TTC28: variants seen among roughly 807,000 people sequenced by gnomAD.
TTC28 encodes tetratricopeptide repeat protein 28.
In TTC28, 61 loss-of-function variants were observed where a neutral mutation model predicts 198.0. The observed-to-expected ratio is 0.31, with a 90% CI of 0.25 to 0.38. The LOEUF (loss-of-function observed/expected upper bound fraction) is 0.38, where lower values mean the gene tolerates loss of function less well. Among genes scored for constraint, TTC28 ranks in the 10% least tolerant of loss-of-function variants. TTC28 has a pLI of 1.00. For missense variants in TTC28, 2,678 were observed against 3,164.0 expected (o/e 0.85, Z 3.69); for synonymous variants, 1,171 against 1,297.8 (o/e 0.90, Z 2.10).
chr22:28,120,693 AG>A (rs1283686582), intron 6 of TTC28, among the ~76,000 whole-genome samples: 1 of 152,224 alleles, frequency 6.6e-6, no homozygotes, highest in East Asian at 1.9e-4. Context: ...GAACAGGAAA[AG>A]GGAGAAACAG....
Position 28,112,368 on chromosome 22 carries a change from G to T in TTC28, c.1442-3965C>A, listed in dbSNP as rs560233761. On this transcript the variant is annotated intron_variant, in intron 6 of 22. Transcript: ENST00000397906. ...ACCCAGGGTTCAATGATTTGTGAAA[G>T]AAACTGCCTGCTGGTTATGGCAAAA... Among the ~76,000 whole-genome samples the T allele has an allele frequency of 3.9e-5, 6 of 152,278 alleles. No individual in the cohort carries two copies. In the South Asian group the frequency reaches 1.2e-3, roughly 32 times the overall value.
At chr22:28,226,846 A>G (rs1928380717) in intron 5 of TTC28, among the ~76,000 whole-genome samples, 1 of 152,166 alleles carries the variant, frequency 6.6e-6, no homozygotes, top group Non-Finnish European at 1.5e-5. Context: ...TTTCTCAATT[A>G]TATCTTTCAA....
chr22:28,175,974 A>G (rs1261175124), intron 5 of TTC28, among the ~76,000 whole-genome samples: 2 of 152,248 alleles, frequency 1.3e-5, no homozygotes, highest in African/African-American at 4.8e-5. Flanking sequence ...ATTGTAAACC[A>G]GTACAACTAT....
intron 5 of TTC28, among the ~76,000 whole-genome samples, chr22:28,262,438 C>A (rs1334259030): frequency 2.0e-5 from 3 of 152,108 alleles, no homozygotes; most frequent in Admixed American, 2.0e-4. Context: ...ATTAAAGTTA[C>A]ATCTTTTAAA....
intron 1 of TTC28, among the ~76,000 whole-genome samples, chr22:28,647,758 G>A (rs2051493480): frequency 6.6e-6 from 1 of 151,856 alleles, no homozygotes. Context: ...AGAATGGTGT[G>A]AACCTGGGAG....
At chr22:28,053,734 G>C (rs1159588155) in intron 12 of TTC28, among the ~76,000 whole-genome samples, 1 of 151,960 alleles carries the variant, frequency 6.6e-6, no homozygotes, top group African/African-American at 2.4e-5. Context: ...GTAGTTACTG[G>C]GACAGCTACA....
chr22:28,284,234 TA>T (rs1184630036), intron 5 of TTC28, among the ~76,000 whole-genome samples: 1 of 152,138 alleles, frequency 6.6e-6, no homozygotes, highest in African/African-American at 2.4e-5. Flanking sequence ...ATGAGATTAT[TA>T]AAATAAATAA....
intron 5 of TTC28, among the ~76,000 whole-genome samples, chr22:28,257,318 C>T (rs1481139197): frequency 2.0e-5 from 3 of 152,094 alleles, no homozygotes; most frequent in Non-Finnish European, 4.4e-5. Flanking sequence ...TACTGCAGCA[C>T]TATTCACAGT....
At chr22:28,121,865 T>A (rs1569150433) in intron 6 of TTC28, among the ~76,000 whole-genome samples, 1 of 152,106 alleles carries the variant, frequency 6.6e-6, no homozygotes, top group Non-Finnish European at 1.5e-5. Flanking sequence ...TTGTTTTTGT[T>A]TTGTTTTGTT....
At chr22:28,342,308 A>G (rs1029819617) in intron 2 of TTC28, among the ~76,000 whole-genome samples, 4 of 152,234 alleles carry the variant, frequency 2.6e-5, no homozygotes, top group Non-Finnish European at 4.4e-5. Flanking sequence ...AATCAAAAAC[A>G]TATCTATCAA....
intron 2 of TTC28, among the ~76,000 whole-genome samples, chr22:28,537,342 A>ATAAAATTAAATTAAAAT (rs2049316127): frequency 6.8e-6 from 1 of 146,420 alleles, no homozygotes; most frequent in Non-Finnish European, 1.5e-5. Context: ...ATAAAATAAA[A>ATAAAATTAAATTAAAAT]ACAAGAATAG....
At chr22:28,600,942 G>C (rs976880506) in intron 2 of TTC28, among the ~76,000 whole-genome samples, 4 of 151,866 alleles carry the variant, frequency 2.6e-5, no homozygotes, top group African/African-American at 9.7e-5. Context: ...CTAAAATTCC[G>C]TGTCTAAATT....
chr22:28,670,975 A>G (rs941544850), intron 1 of TTC28, among the ~76,000 whole-genome samples: 7 of 151,950 alleles, frequency 4.6e-5, no homozygotes, highest in Non-Finnish European at 1.0e-4. Flanking sequence ...TTTTCATGTT[A>G]TTGGCCATTT....
In TTC28 at chr22:28,368,637, T is replaced by G. The variant is rs551632595; in HGVS notation, c.382-61994A>C. On this transcript the variant is annotated intron_variant, in intron 2 of 22. Coordinates refer to ENST00000397906, the MANE Select transcript of TTC28 (RefSeq NM_001145418.2). ...GTTTGCAGATGATATGATCTTATGT[T>G]TGGAAAAACCTAAAGACTCCACCAA... is the stretch of plus-strand genomic sequence containing the variant. 1.2e-4 allele frequency among the ~76,000 whole-genome samples: 19 copies of G among 152,158 alleles called. No homozygotes were observed. The South Asian group carries it at 3.9e-3, about 32-fold the overall frequency.
chr22:28,578,419 G>T (rs1305043249), intron 2 of TTC28, among the ~76,000 whole-genome samples: 1 of 152,072 alleles, frequency 6.6e-6, no homozygotes, highest in Non-Finnish European at 1.5e-5. Context: ...CTCAGTAGTT[G>T]TTGAACTGAA....
At chr22:28,662,807 A>T (rs1393050786) in intron 1 of TTC28, among the ~76,000 whole-genome samples, 1 of 152,236 alleles carries the variant, frequency 6.6e-6, no homozygotes, top group Non-Finnish European at 1.5e-5. Context: ...CAACAAAAGC[A>T]TTATGTGACA....
At chr22:28,679,020 C>T (rs1336938915) in intron 1 of TTC28, among the ~76,000 whole-genome samples, 3 of 152,246 alleles carry the variant, frequency 2.0e-5, no homozygotes, top group African/African-American at 7.2e-5. Context: ...GACATCCCGT[C>T]CAGCGGGAGC....
intron 14 of TTC28, among the ~76,000 whole-genome samples, chr22:28,013,272 C>CA: frequency 6.6e-6 from 1 of 152,340 alleles, no homozygotes; most frequent in East Asian, 1.9e-4. Context: ...AAGAAGGGGC[C>CA]ATGCAGCCTG....
intron 6 of TTC28, among the ~76,000 whole-genome samples, chr22:28,161,015 A>G (rs1921107842): frequency 6.6e-6 from 1 of 152,220 alleles, no homozygotes; most frequent in Non-Finnish European, 1.5e-5. Context: ...GAAATGTCAA[A>G]AATCTTCTAA....
Sources: gnomAD v4.1 joint callset for allele counts (sites outside exome capture counted in the v4.1 genomes callset) on GRCh38, gnomAD v4.1.1 for gene constraint, MANE v1.5 for transcripts, NCBI Gene and HGNC (gene_info 2026-07-23, HGNC 2026-07-21) for gene names.